ATP2B1: variants seen among roughly 807,000 people sequenced by gnomAD.
The protein encoded by ATP2B1 is ATPase plasma membrane Ca2+ transporting 1, also known as plasma membrane calcium-transporting ATPase 1.
Under a neutral mutation model 124.2 loss-of-function variants are expected in ATP2B1, and 14 were observed. That is an observed-to-expected ratio of 0.11 (90% CI 0.07 to 0.18). The LOEUF (loss-of-function observed/expected upper bound fraction) is 0.18, where lower values mean the gene tolerates loss of function less well. Ranked by LOEUF, ATP2B1 falls within the 10% of genes least tolerant of loss-of-function variation. ATP2B1 has a pLI of 1.00. For synonymous variants in ATP2B1, 449 were observed against 492.4 expected (o/e 0.91, Z 1.17); for missense variants, 763 against 1,466.1 (o/e 0.52, Z 7.83).
chr12:89,671,552 T>C (rs1887987659), intron 1 of ATP2B1, among the ~76,000 whole-genome samples: 2 of 152,154 alleles, frequency 1.3e-5, no homozygotes, highest in South Asian at 2.1e-4. Flanking sequence ...CTATGCAATG[T>C]AGTATTTAAT....
intron 1 of ATP2B1, among the ~76,000 whole-genome samples, chr12:89,660,197 C>T (rs1886534180): frequency 6.6e-6 from 1 of 152,020 alleles, no homozygotes; most frequent in Non-Finnish European, 1.5e-5. Context: ...GTTCCTAATT[C>T]CTGAATGATT....
intron 9 of ATP2B1, among the ~76,000 whole-genome samples, chr12:89,622,137 A>C (rs1880085372): frequency 6.6e-6 from 1 of 152,096 alleles, no homozygotes; most frequent in African/African-American, 2.4e-5. Flanking sequence ...GAGCAATGAC[A>C]ATCTGTACTG....
intron 20 of ATP2B1, among the ~76,000 whole-genome samples, chr12:89,598,340 TATCAG>T (rs2135906012): frequency 6.6e-6 from 1 of 152,338 alleles, no homozygotes; most frequent in Non-Finnish European, 1.5e-5. Flanking sequence ...CCATATTAAC[TATCAG>T]AGTTAGCACA....
chr12:89,602,831 G>A (rs1876132647), intron 18 of ATP2B1, among the ~76,000 whole-genome samples: 1 of 151,994 alleles, frequency 6.6e-6, no homozygotes, highest in Non-Finnish European at 1.5e-5. Context: ...AAATAAAACT[G>A]TTTGTCTAGT....
At chr12:89,703,235 T>C (rs969850260) in intron 1 of ATP2B1, among the ~76,000 whole-genome samples, 5 of 152,226 alleles carry the variant, frequency 3.3e-5, no homozygotes, top group Non-Finnish European at 5.9e-5. Flanking sequence ...AGGAAAATTA[T>C]TAAAGGCAGG....
At chr12:89,643,590 T>C (rs1411288538) in intron 2 of ATP2B1, among the ~76,000 whole-genome samples, 1 of 152,174 alleles carries the variant, frequency 6.6e-6, no homozygotes, top group Non-Finnish European at 1.5e-5. Context: ...ATTAGAAAGA[T>C]ATGAGGAGGT....
intron 1 of ATP2B1, among the ~76,000 whole-genome samples, chr12:89,662,657 T>C (rs1886848954): frequency 6.6e-6 from 1 of 152,190 alleles, no homozygotes; most frequent in African/African-American, 2.4e-5. Context: ...CAAAGGATTT[T>C]AGTTTTATAG....
At chr12:89,598,039 CAAAAAAA>C (rs10661138) in intron 20 of ATP2B1, among the ~76,000 whole-genome samples, 8 of 60,526 alleles carry the variant, frequency 1.3e-4, no homozygotes, top group African/African-American at 2.1e-4. Context: ...CACAACCAAG[CAAAAAAA>C]AAAAAAAAAA....
chr12:89,655,636 A>C (rs747225828), intron 2 of ATP2B1, 43 bp downstream of exon 2: 2 of 1,557,580 alleles, frequency 1.3e-6, no homozygotes, highest in Non-Finnish European at 8.8e-7. Flanking sequence ...AATATATAGA[A>C]CTCTTTGCAC....
Position 89,603,241 on chromosome 12 carries a change from A to T in ATP2B1, c.2862T>A (p.Phe954Leu), listed in dbSNP as rs189003061. The change falls in exon 18 of 21, where the codon TTT becomes TTA. Residue 954 changes from phenylalanine (F) to leucine (L), a missense_variant. Transcript: ENST00000428670. This position sits in a 1 kb window ranked among gnomAD's most constrained non-coding sequence, Gnocchi z 4.3. The part of the protein sequence containing the change: ...FTLLFAGEKF[F>L]DIDSGRNAPL... The stretch of plus-strand genomic sequence containing the variant: ...GAGCATTTCTTCCACTATCAATGTC[A>T]AAAAACTTTTCTCCTGAAAGAATGA... The T allele has an allele frequency of 1.2e-6, 2 of 1,600,230 alleles. No homozygotes were observed. Among genetic ancestry groups the T allele is most frequent in the East Asian group, 4.5e-5 (2 of 44,580 alleles).
rs114701386 is a variant in ATP2B1, at chr12:89,590,590, C to T, written c.*394G>A. The T allele has an allele frequency of 8.3e-4, 133 of 160,562 alleles. No homozygotes were observed. Among genetic ancestry groups the T allele is most frequent in the African/African-American group, 3.0e-3 (124 of 41,660 alleles). The allele number at this position is 160,562 out of a possible 1,614,324, so 9.9% of individuals were successfully genotyped here. ...AATCCAAATTATTAACAGCCAACAG[C>T]AGAAATTAAACTATCAATTCAACGA... On this transcript the variant is annotated 3_prime_UTR_variant, in exon 21 of 21. Transcript: ENST00000428670.
chr12:89,616,321 A>C (rs1878959781), intron 12 of ATP2B1, among the ~76,000 whole-genome samples: 1 of 152,180 alleles, frequency 6.6e-6, no homozygotes, highest in African/African-American at 2.4e-5. Context: ...TACTAGCAAG[A>C]TATTTTAATT....
At chr12:89,698,265 G>T (rs1351236960) in intron 1 of ATP2B1, among the ~76,000 whole-genome samples, 1 of 152,124 alleles carries the variant, frequency 6.6e-6, no homozygotes, top group Non-Finnish European at 1.5e-5. Context: ...ATCAACAGGC[G>T]AACGGACAAA....
At chr12:89,654,389 T>C (rs959734203) in intron 2 of ATP2B1, among the ~76,000 whole-genome samples, 16 of 152,212 alleles carry the variant, frequency 1.1e-4, no homozygotes, top group Non-Finnish European at 2.4e-4. Context: ...TACATCAAAA[T>C]GGTGTAGCAT....
At chr12:89,709,301 AGCCGCCACCGCCGCCGAAGCTCGC>A (rs1241469347), upstream of ATP2B1, 1 of 151,542 alleles carries the variant, frequency 6.6e-6, no homozygotes, top group East Asian at 1.9e-4. Flanking sequence ...CCGCTGCCAC[AGCCGCCACCGCCGCCGAAGCTCGC>A]GCCGCCGCCG....
Position 89,627,573 on chromosome 12 carries a change from A to AT in ATP2B1, c.967+104dup. On this transcript the variant is annotated intron_variant, in intron 7 of 20. Transcript: ENST00000428670. ...TAACCCAAGCTAACGTATATTGTTG[A>AT]TTTTCCCTGCCACATGTATCTTACT... 12 of 1,322,086 alleles carry AT rather than the reference A, an allele frequency of 9.1e-6. No individual in the cohort carries two copies. The South Asian group carries it at 1.4e-4, about 15-fold the overall frequency. The allele number at this position is 1,322,086 out of a possible 1,614,324, so 81.9% of individuals were successfully genotyped here. A position where few individuals can be genotyped will look rare whatever the true frequency, so the allele number is the denominator to read the frequency against.
At chr12:89,608,423 G>A (rs1357764716) in intron 15 of ATP2B1, among the ~76,000 whole-genome samples, 1 of 151,622 alleles carries the variant, frequency 6.6e-6, no homozygotes, top group Non-Finnish European at 1.5e-5. Flanking sequence ...TGATCCGCCC[G>A]CCTCAGCCTC....
At chr12:89,611,504 T>C (rs1592736404) in intron 12 of ATP2B1, 132 bp from the exon 13 acceptor site, 1 of 665,132 alleles carries the variant, frequency 1.5e-6, no homozygotes, top group East Asian at 3.2e-5. Flanking sequence ...TTAATAATGA[T>C]TGATTTCATT....
chr12:89,657,329 C>A (rs1053385568), intron 1 of ATP2B1, among the ~76,000 whole-genome samples: 2 of 152,204 alleles, frequency 1.3e-5, no homozygotes, highest in African/African-American at 4.8e-5. Flanking sequence ...TAATGTCTCA[C>A]ACATACAATG....
Sources: gnomAD v4.1 joint callset for allele counts (sites outside exome capture counted in the v4.1 genomes callset) on GRCh38, gnomAD v4.1.1 for gene constraint, Gnocchi (gnomAD v3.1) non-coding constraint, MANE v1.5 for transcripts, NCBI Gene and HGNC (gene_info 2026-07-23, HGNC 2026-07-21) for gene names.